PLCL1: variants seen among roughly 807,000 people sequenced by gnomAD.
PLCL1 encodes phospholipase C like 1 (inactive), also known as inactive phospholipase C-like protein 1.
A neutral mutation model predicts 84.4 loss-of-function variants in PLCL1; 41 were observed. The observed-to-expected ratio is 0.49, with a 90% CI of 0.38 to 0.63. The LOEUF is 0.63. Ranked by LOEUF, PLCL1 falls within the 30% of genes least tolerant of loss-of-function variation. The pLI, the probability that PLCL1 is intolerant of heterozygous loss-of-function variation, is 0.00. For synonymous variants in PLCL1, 490 were observed against 488.3 expected (o/e 1.00, Z -0.05); for missense variants, 1,206 against 1,367.8 (o/e 0.88, Z 1.87).
At chr2:197,810,069 G>A (rs1690553038) in intron 1 of PLCL1, among the ~76,000 whole-genome samples, 1 of 152,040 alleles carries the variant, frequency 6.6e-6, no homozygotes, top group Non-Finnish European at 1.5e-5. Flanking sequence ...TACCGTAAGG[G>A]TTGCTGAGAG....
intron 1 of PLCL1, among the ~76,000 whole-genome samples, chr2:197,866,036 A>T (rs12994940): frequency 0.13 from 3,604 of 27,828 alleles, 524 homozygotes; most frequent in African/African-American, 0.31. Flanking sequence ...AAAAAAAAAA[A>T]ATATATATAT....
intron 1 of PLCL1, among the ~76,000 whole-genome samples, chr2:197,991,117 G>A (rs1193601278): frequency 6.6e-6 from 1 of 152,078 alleles, no homozygotes; most frequent in Non-Finnish European, 1.5e-5. Flanking sequence ...TTCCCTCCTG[G>A]TGAAGTCGGG....
intron 1 of PLCL1, among the ~76,000 whole-genome samples, chr2:197,928,418 AT>A (rs1388612151): frequency 1.3e-5 from 2 of 152,156 alleles, no homozygotes; most frequent in Non-Finnish European, 2.9e-5. Context: ...ACCCCATTAT[AT>A]TTTTAAAGAA....
chr2:198,113,194 C>A (rs934021241), intron 5 of PLCL1, among the ~76,000 whole-genome samples: 3 of 151,976 alleles, frequency 2.0e-5, no homozygotes, highest in Admixed American at 6.6e-5. Flanking sequence ...TCTCTCCCAC[C>A]TCAAGAAGGT....
At chr2:197,857,681 A>G (rs1687355490) in intron 1 of PLCL1, among the ~76,000 whole-genome samples, 1 of 152,176 alleles carries the variant, frequency 6.6e-6, no homozygotes, top group Non-Finnish European at 1.5e-5. Context: ...CTGAACACAG[A>G]ATGATTAATT....
chr2:198,031,188 T>C (rs1691407917), intron 1 of PLCL1, among the ~76,000 whole-genome samples: 1 of 142,826 alleles, frequency 7.0e-6, no homozygotes, highest in African/African-American at 2.6e-5. Flanking sequence ...CTGGGCAACA[T>C]AGTGAGACCT....
chr2:198,019,151 A>C (rs1691073138), intron 1 of PLCL1, among the ~76,000 whole-genome samples: 1 of 152,218 alleles, frequency 6.6e-6, no homozygotes, highest in South Asian at 2.1e-4. Context: ...CCTGACTGTT[A>C]GAAGGAAAAC....
At chr2:198,080,689 G>A (rs1559096420) in intron 1 of PLCL1, among the ~76,000 whole-genome samples, 1 of 152,184 alleles carries the variant, frequency 6.6e-6, no homozygotes, top group Non-Finnish European at 1.5e-5. Flanking sequence ...CTTGGCTGTA[G>A]TCATCAGCAG....
intron 1 of PLCL1, among the ~76,000 whole-genome samples, chr2:197,996,077 C>A (rs111742229): frequency 2.6e-5 from 4 of 151,714 alleles, no homozygotes; most frequent in African/African-American, 7.3e-5. Context: ...AGAGACGGGG[C>A]ATTGGAGGAA....
chr2:198,023,600 G>A (rs957143950), intron 1 of PLCL1, among the ~76,000 whole-genome samples: 4 of 152,068 alleles, frequency 2.6e-5, no homozygotes, highest in African/African-American at 9.7e-5. Flanking sequence ...ATGGACAGAC[G>A]CTTTTCAAAA....
Position 198,086,165 on chromosome 2 carries a change from T to C in PLCL1, c.2648T>C (p.Ile883Thr), listed in dbSNP as rs750165191. Residue 883 changes from isoleucine to threonine, a missense_variant, in exon 2 of 6, where the codon ATT (isoleucine) becomes ACT (threonine). Transcript: ENST00000428675. ...CTCAGGAATATCGGTCTTAAAACCA[T>C]TGATGACATCTTTAAAATAGCGGTT... ...TMLRNIGLKTIDDIFKIAVHP... is the reference protein window; with the variant it reads ...TMLRNIGLKTTDDIFKIAVHP... 1.9e-6 allele frequency: 3 copies of C among 1,613,888 alleles called. No individual in the cohort carries two copies. The South Asian group carries it at 3.3e-5, about 18-fold the overall frequency.
At position 198,089,045 on chromosome 2, in the gene PLCL1, T is replaced by C; in HGVS notation, c.2903T>C (p.Leu968Pro). 1 of 1,613,476 alleles carries C rather than the reference T, an allele frequency of 6.2e-7. No individual in the cohort carries two copies. Among genetic ancestry groups the C allele is most frequent in the Non-Finnish European group, 8.5e-7 (1 of 1,179,382 alleles). ...ATTCCAGATGTGCAGAAAAAGATGC[T>C]GACTGCTTATGATCTGGTAGGAAAT... ...GAIPDVQKKM[L>P]TAYDLMIQES... is the part of the protein sequence containing the mutation. Residue 968 changes from leucine to proline, a missense_variant, in exon 3 of 6, where the codon CTG becomes CCG. Transcript: ENST00000428675.
At chr2:198,044,834 G>T (rs190049383) in intron 1 of PLCL1, among the ~76,000 whole-genome samples, 1 of 152,258 alleles carries the variant, frequency 6.6e-6, no homozygotes, top group South Asian at 2.1e-4. Flanking sequence ...AACAACCTTT[G>T]TTTCCTACCT....
At chr2:198,002,112 C>A in intron 1 of PLCL1, 1 of 225,970 alleles carries the variant, frequency 4.4e-6, no homozygotes, top group Admixed American at 4.4e-5. Flanking sequence ...CCATCTCCAC[C>A]CCCTGGTCCA....
chr2:198,141,125 A>G (rs1209545102), intron 5 of PLCL1, among the ~76,000 whole-genome samples: 2 of 152,162 alleles, frequency 1.3e-5, no homozygotes, highest in African/African-American at 4.8e-5. Flanking sequence ...TTAGAACAGA[A>G]CTACTCTACG....
At chr2:198,088,058 T>G (rs1315138106) in intron 2 of PLCL1, among the ~76,000 whole-genome samples, 1 of 152,220 alleles carries the variant, frequency 6.6e-6, no homozygotes, top group Admixed American at 6.5e-5. Flanking sequence ...AAACCATTTC[T>G]GCACTTAACT....
chr2:198,055,507 A>T (rs1467476145), intron 1 of PLCL1, among the ~76,000 whole-genome samples: 2 of 129,874 alleles, frequency 1.5e-5, no homozygotes, highest in African/African-American at 6.2e-5. Flanking sequence ...GTAGTTTCTC[A>T]AACCTTTTAT....
At chr2:198,126,873 G>A (rs1205616634) in intron 5 of PLCL1, among the ~76,000 whole-genome samples, 1 of 151,792 alleles carries the variant, frequency 6.6e-6, no homozygotes, top group Non-Finnish European at 1.5e-5. Context: ...TCTGCACATC[G>A]GCCTGTGTGA....
intron 1 of PLCL1, among the ~76,000 whole-genome samples, chr2:197,825,170 A>G (rs958682346): frequency 1.3e-5 from 2 of 152,040 alleles, no homozygotes; most frequent in East Asian, 3.9e-4. Flanking sequence ...CTTTATACCT[A>G]TTAGATTTAA....
Sources: allele counts gnomAD v4.1 joint callset (sites outside exome capture counted in the v4.1 genomes callset), GRCh38; gene constraint gnomAD v4.1.1; transcripts MANE v1.5; gene names NCBI Gene and HGNC (gene_info 2026-07-23, HGNC 2026-07-21).